ATP8A2: variants seen among roughly 807,000 people sequenced by gnomAD.
The protein encoded by ATP8A2 is phospholipid-transporting ATPase IB.
A neutral mutation model predicts 165.6 loss-of-function variants in ATP8A2; 100 were observed. That is an observed-to-expected ratio of 0.60 (90% confidence interval 0.51 to 0.71). ATP8A2 has a LOEUF of 0.71. Ranked by LOEUF, ATP8A2 falls within the 30% of genes least tolerant of loss-of-function variation. The pLI, the probability that ATP8A2 is intolerant of heterozygous loss-of-function variation, is 0.00. For synonymous variants in ATP8A2, 543 were observed against 548.8 expected, an observed-to-expected ratio of 0.99 and a Z score of 0.15; for missense variants, 1,227 against 1,479.5, an observed-to-expected ratio of 0.83 and a Z score of 2.80.
At chr13:25,934,652 G>A (rs1954839040) in intron 33 of ATP8A2, among the ~76,000 whole-genome samples, 1 of 152,168 alleles carries the variant, frequency 6.6e-6, no homozygotes, top group Admixed American at 6.5e-5. Flanking sequence ...TACAACAAAT[G>A]GTGGCTCTAG....
chr13:25,518,858 A>G (rs1007679077), intron 2 of ATP8A2, among the ~76,000 whole-genome samples: 1 of 152,180 alleles, frequency 6.6e-6, no homozygotes, highest in African/African-American at 2.4e-5. Flanking sequence ...CATACATGTA[A>G]CAAGATCCAC....
chr13:25,511,485 G>C (rs921019943), intron 2 of ATP8A2, among the ~76,000 whole-genome samples: 1 of 152,106 alleles, frequency 6.6e-6, no homozygotes, highest in East Asian at 1.9e-4. Context: ...GGAGTGGGGT[G>C]GGGGGTTGCT....
chr13:25,572,203 C>T (rs569624311), intron 18 of ATP8A2, among the ~76,000 whole-genome samples: 8 of 152,270 alleles, frequency 5.3e-5, no homozygotes, highest in South Asian at 4.1e-4. Context: ...GGTGCAATCT[C>T]GGCTCACTGC....
chr13:25,506,229 A>G (rs1403664023), intron 2 of ATP8A2, among the ~76,000 whole-genome samples: 1 of 152,236 alleles, frequency 6.6e-6, no homozygotes, highest in Non-Finnish European at 1.5e-5. Context: ...GGCTCATTTG[A>G]GGGGAGCTGA....
intron 1 of ATP8A2, among the ~76,000 whole-genome samples, chr13:25,450,301 A>G (rs1173480715): frequency 1.3e-5 from 2 of 152,204 alleles, no homozygotes. Flanking sequence ...ATGTGTCTTT[A>G]TAATAAAATG....
intron 33 of ATP8A2, among the ~76,000 whole-genome samples, chr13:25,864,567 A>G (rs1371622026): frequency 6.6e-6 from 1 of 152,246 alleles, no homozygotes; most frequent in Non-Finnish European, 1.5e-5. Context: ...GCAGAACTTT[A>G]GTGAGTTGTT....
intron 1 of ATP8A2, among the ~76,000 whole-genome samples, chr13:25,397,458 C>T (rs1361479241): frequency 6.6e-6 from 1 of 152,138 alleles, no homozygotes. Flanking sequence ...CCTAATAAGG[C>T]GTGGAGGGGT....
At chr13:25,404,665 T>A (rs903013717) in intron 1 of ATP8A2, among the ~76,000 whole-genome samples, 3 of 151,748 alleles carry the variant, frequency 2.0e-5, no homozygotes, top group African/African-American at 7.3e-5. Context: ...CGCAACTGGG[T>A]GGGTGCAGAA....
At chr13:25,608,673 T>C (rs1251074973) in intron 24 of ATP8A2, among the ~76,000 whole-genome samples, 1 of 152,218 alleles carries the variant, frequency 6.6e-6, no homozygotes, top group East Asian at 1.9e-4. Context: ...CAGCTGCAGA[T>C]GACACATAAA....
In ATP8A2 at chr13:25,714,976, GAAAAAAA is replaced by G. The variant is rs1566071788; in HGVS notation, c.2384+15632_2384+15638del. ...GATCTCTGCTTGGACACTAGAAATA[GAAAAAAA>G]TATGTATGAAGAAGTTTGGATAAAT... On this transcript the variant is annotated intron_variant, in intron 25 of 36. Transcript: ENST00000381655. Among the ~76,000 whole-genome samples the G allele has an allele frequency of 3.9e-5, 6 of 152,168 alleles. No homozygotes were observed. The East Asian group carries it at 9.7e-4, about 24-fold the overall frequency.
At chr13:25,680,281 T>C (rs976578591) in intron 24 of ATP8A2, among the ~76,000 whole-genome samples, 2 of 152,150 alleles carry the variant, frequency 1.3e-5, no homozygotes, top group Non-Finnish European at 2.9e-5. Context: ...AAAGAAGAGA[T>C]GCACACATAT....
intron 27 of ATP8A2, among the ~76,000 whole-genome samples, chr13:25,815,415 A>G (rs113963672): frequency 2.0e-5 from 3 of 152,372 alleles, no homozygotes; most frequent in East Asian, 3.9e-4. Context: ...AAGATATGCA[A>G]ATATCCAATA....
intron 32 of ATP8A2, 126 bp downstream of exon 32, chr13:25,860,986 A>C (rs1223453706): frequency 2.7e-6 from 2 of 735,446 alleles, no homozygotes; most frequent in Non-Finnish European, 4.6e-6. Flanking sequence ...CTGTGTAAAA[A>C]TTGTGGTTTG....
At chr13:25,807,296 G>A (rs1312099137) in intron 27 of ATP8A2, among the ~76,000 whole-genome samples, 4 of 151,730 alleles carry the variant, frequency 2.6e-5, no homozygotes. Context: ...CCATTTTCTT[G>A]TAGGAATTCT....
chr13:25,893,421 G>T (rs904214568), intron 33 of ATP8A2, among the ~76,000 whole-genome samples: 12 of 152,008 alleles, frequency 7.9e-5, no homozygotes, highest in African/African-American at 2.9e-4. Flanking sequence ...TGGTGTATAT[G>T]TGCCACATTT....
chr13:25,952,359 C>T (rs1955390470), intron 33 of ATP8A2, among the ~76,000 whole-genome samples: 1 of 148,958 alleles, frequency 6.7e-6, no homozygotes, highest in African/African-American at 2.5e-5. Flanking sequence ...AGCACTTCAT[C>T]TGGCCATGGT....
chr13:25,618,065 G>A (rs181779639), intron 24 of ATP8A2, among the ~76,000 whole-genome samples: 88 of 152,278 alleles, frequency 5.8e-4, no homozygotes, highest in African/African-American at 2.1e-3. Flanking sequence ...AGATTTCCCA[G>A]TATTCTGAAG....
intron 7 of ATP8A2, 72 bp from the exon 8 acceptor site, chr13:25,540,247 T>C: frequency 1.8e-6 from 2 of 1,130,942 alleles, no homozygotes; most frequent in Non-Finnish European, 2.7e-6. Flanking sequence ...GATTCCATAA[T>C]AGAGATTTTC....
rs117946229 is a variant in ATP8A2 at position 25,490,737 on chromosome 13, G to T, written c.221+21616G>T. ...TAATTAGTTTTTTTGTTTTTTTTTTGTTTGTTTGTTTGTTTGTTTTTTGTT... is the reference window on the plus strand; with the variant it reads ...TAATTAGTTTTTTTGTTTTTTTTTTTTTTGTTTGTTTGTTTGTTTTTTGTT... On this transcript the variant is annotated intron_variant, in intron 2 of 36. Transcript: ENST00000381655. 5.6e-3 allele frequency among the ~76,000 whole-genome samples: 723 copies of T among 128,094 alleles called. 4 individuals are homozygous for T. The highest frequency in any genetic ancestry group is 0.021 in the African/African-American group (678 of 32,974). 84.0% of individuals were successfully genotyped at this position (128,094 alleles called of 152,430 possible). A position where few individuals can be genotyped will look rare whatever the true frequency, so the allele number is the denominator to read the frequency against.
Sources: gnomAD v4.1 joint callset for allele counts (sites outside exome capture counted in the v4.1 genomes callset) on GRCh38, gnomAD v4.1.1 for gene constraint, MANE v1.5 for transcripts, NCBI Gene and HGNC (gene_info 2026-07-23, HGNC 2026-07-21) for gene names.